The following EIF4A3 variants were observed in gnomAD, a reference collection of about 807,000 sequenced individuals.
EIF4A3 encodes eukaryotic initiation factor 4A-III.
EIF4A3 carries 1 observed loss-of-function variant against 55.6 expected under a neutral mutation model. The observed-to-expected ratio is 0.02, with a 90% CI of 0.01 to 0.09. The LOEUF (loss-of-function observed/expected upper bound fraction) is 0.09, where lower values mean the gene tolerates loss of function less well. EIF4A3 is among the 10% of genes least tolerant of loss of function. The pLI is 1.00. For missense variants in EIF4A3, 221 were observed against 540.7 expected (o/e 0.41, Z 5.86); for synonymous variants, 194 against 196.3 (o/e 0.99, Z 0.10).
Position 80,135,460 on chromosome 17 carries a change from C to G in EIF4A3, c.*30G>C, listed in dbSNP as rs755541775. 3 of 1,551,290 alleles carry G rather than the reference C, an allele frequency of 1.9e-6. No individual in the cohort carries two copies. In the South Asian group the frequency reaches 3.6e-5, roughly 19 times the overall value. Reference sequence around the variant, plus strand: ...CAAACAGGAGTACACAGCAGGTGAACAGTCTCCCTCATCCCACTGATCTGC... The same window carrying G: ...CAAACAGGAGTACACAGCAGGTGAAGAGTCTCCCTCATCCCACTGATCTGC... On this transcript the variant is annotated 3_prime_UTR_variant, in exon 12 of 12. Coordinates refer to ENST00000649764, the MANE Select transcript of EIF4A3 (RefSeq NM_014740.4).
At chr17:80,136,401 C>T in intron 9 of EIF4A3, 66 bp from the exon 10 acceptor site, 1 of 1,335,236 alleles carries the variant, frequency 7.5e-7, no homozygotes, top group Non-Finnish European at 1.0e-6. Flanking sequence ...GGACTTGCTT[C>T]CATTGCTAAT....
intron 3 of EIF4A3, 128 bp downstream of exon 3, chr17:80,141,654 T>C: frequency 1.1e-6 from 1 of 907,498 alleles, no homozygotes; most frequent in Non-Finnish European, 1.7e-6. Flanking sequence ...AGACTCTGTG[T>C]AAAAATTTGC....
At chr17:80,139,451 T>C in intron 6 of EIF4A3, 1 of 618,518 alleles carries the variant, frequency 1.6e-6, no homozygotes, top group South Asian at 2.1e-5. Flanking sequence ...AGATACCAAA[T>C]AAAAAGCAAT....
chr17:80,137,725 T>G, intron 8 of EIF4A3: 1 of 513,488 alleles, frequency 1.9e-6, no homozygotes, highest in Non-Finnish European at 3.5e-6. Flanking sequence ...AATGACTCTA[T>G]GGGGGGAGGG....
At position 80,136,338 on chromosome 17, in the gene EIF4A3, G is replaced by A. The variant is rs1341292352; in HGVS notation, c.984-3C>T. The A allele has an allele frequency of 1.2e-6, 2 of 1,609,532 alleles. No individual in the cohort carries two copies. Among genetic ancestry groups the A allele is most frequent in the Non-Finnish European group, 1.7e-6 (2 of 1,177,642 alleles). ...CATCTGTAGAAATAAGCACTCGGCT[G>A]CAAAAAGAAAGAGTGTTTGAGGCGA... On this transcript the variant is annotated splice_region_variant and splice_polypyrimidine_tract_variant and intron_variant, in intron 9 of 11. Coordinates refer to ENST00000649764, the MANE Select transcript of EIF4A3 (RefSeq NM_014740.4).
At chr17:80,146,681 G>A in intron 1 of EIF4A3, 112 bp downstream of exon 1, 8 of 1,337,220 alleles carry the variant, frequency 6.0e-6, no homozygotes, top group Non-Finnish European at 7.9e-6. Context: ...CCTCGACCCT[G>A]ACCACGACCT....
intron 8 of EIF4A3, among the ~76,000 whole-genome samples, chr17:80,137,772 C>A (rs142101653): frequency 1.4e-3 from 219 of 152,166 alleles, no homozygotes; most frequent in African/African-American, 5.2e-3. Context: ...AATTTGAATT[C>A]CAATCTTGTT....
In EIF4A3 at chr17:80,139,006, A is replaced by G; in HGVS notation, c.728+15T>C. ...GGCCCAGTGTTTTAGTAAACTTGAC[A>G]AGAGGGGCTCCTACCGTTTCACCAA... is the stretch of plus-strand genomic sequence containing the variant. On this transcript the variant is annotated intron_variant, in intron 7 of 11. Coordinates refer to ENST00000649764, the MANE Select transcript of EIF4A3 (RefSeq NM_014740.4). The G allele has an allele frequency of 6.8e-6, 11 of 1,612,900 alleles. No homozygotes were observed. Among genetic ancestry groups the G allele is most frequent in the Non-Finnish European group, 9.3e-6 (11 of 1,179,428 alleles).
chr17:80,135,701 G>T, intron 11 of EIF4A3, 195 bp from the exon 12 acceptor site: 1 of 620,030 alleles, frequency 1.6e-6, no homozygotes, highest in Non-Finnish European at 2.8e-6. Flanking sequence ...TTCGAGACCA[G>T]CCTGGCCAAC....
At chr17:80,142,656 G>A (rs540241849) in intron 2 of EIF4A3, among the ~76,000 whole-genome samples, 9 of 152,254 alleles carry the variant, frequency 5.9e-5, no homozygotes, top group African/African-American at 2.2e-4. Flanking sequence ...GAGGCGGGAC[G>A]ATTCCTTAAT....
chr17:80,142,866 C>T (rs2039629191), intron 2 of EIF4A3, among the ~76,000 whole-genome samples: 1 of 152,058 alleles, frequency 6.6e-6, no homozygotes, highest in African/African-American at 2.4e-5. Context: ...CAACAAAACC[C>T]TGTCTCTACA....
At chr17:80,141,464 A>G (rs1395577524) in intron 3 of EIF4A3, 83 bp from the exon 4 acceptor site, 1 of 1,329,878 alleles carries the variant, frequency 7.5e-7, no homozygotes, top group African/African-American at 1.4e-5. Context: ...GATCTATATG[A>G]GAAATACTAT....
At chr17:80,138,819 T>C in intron 7 of EIF4A3, 1 of 701,412 alleles carries the variant, frequency 1.4e-6, no homozygotes, top group Non-Finnish European at 2.3e-6. Context: ...TATTTGGTTT[T>C]TTAAAACAGG....
chr17:80,139,332 C>G (rs2039599345), intron 6 of EIF4A3, 170 bp from the exon 7 acceptor site: 1 of 827,202 alleles, frequency 1.2e-6, no homozygotes, highest in African/African-American at 1.7e-5. Context: ...CTCTCCGTCC[C>G]TACTCCCCGC....
At chr17:80,142,749 C>CA (rs916188949) in intron 2 of EIF4A3, among the ~76,000 whole-genome samples, 4 of 151,896 alleles carry the variant, frequency 2.6e-5, no homozygotes, top group Non-Finnish European at 5.9e-5. Context: ...CATATCTTAA[C>CA]AAAAAAAATG....
chr17:80,146,626 G>C (rs2039665490), intron 1 of EIF4A3, among the ~76,000 whole-genome samples, 167 bp downstream of exon 1: 1 of 152,206 alleles, frequency 6.6e-6, no homozygotes, highest in African/African-American at 2.4e-5. Context: ...GCGTGAGGGC[G>C]AGGACGGGGG....
Position 80,146,968 on chromosome 17 carries a change from G to A in EIF4A3, c.-7C>T, listed in dbSNP as rs201139105. The A allele has an allele frequency of 1.2e-6, 2 of 1,601,348 alleles. No individual in the cohort carries two copies. Among genetic ancestry groups the A allele is most frequent in the East Asian group, 2.3e-5 (1 of 43,664 alleles). On this transcript the variant is annotated 5_prime_UTR_variant, in exon 1 of 12. Transcript: ENST00000649764. ...TCGTGGCCGTGGTCGCCATGATTCA[G>A]AGTCCGCGGAAGAGCACAGCGCGCG...
In EIF4A3 at chr17:80,134,862, G is replaced by C. The variant is rs368922851; in HGVS notation, c.*628C>G. Among the ~76,000 whole-genome samples, 2 of 152,014 alleles carry C rather than the reference G, an allele frequency of 1.3e-5. No individual in the cohort carries two copies. The highest frequency in any genetic ancestry group is 4.8e-5 in the African/African-American group (2 of 41,390). On this transcript the variant is annotated 3_prime_UTR_variant, in exon 12 of 12. Transcript: ENST00000649764. ...CCAAAAAAAAAGATTAGAAAAGTGA[G>C]TGAAATGGGCCGGGTGCAGTGGCTC...
chr17:80,141,028 C>G (rs1302828582), intron 4 of EIF4A3, among the ~76,000 whole-genome samples: 1 of 152,018 alleles, frequency 6.6e-6, no homozygotes, highest in Non-Finnish European at 1.5e-5. Flanking sequence ...AACTCCTGAC[C>G]TCAGGTGATC....
Sources: allele counts gnomAD v4.1 joint callset (sites outside exome capture counted in the v4.1 genomes callset), GRCh38; gene constraint gnomAD v4.1.1; transcripts MANE v1.5; gene names NCBI Gene and HGNC (gene_info 2026-07-23, HGNC 2026-07-21).